NUBPL: variants seen among roughly 807,000 people sequenced by gnomAD.
NUBPL encodes NUBP iron-sulfur cluster assembly factor, mitochondrial.
NUBPL carries 31 observed loss-of-function variants against 45.7 expected under a neutral mutation model. The observed-to-expected ratio is 0.68, with a 90% confidence interval of 0.51 to 0.92. The LOEUF is 0.92. Among genes scored for constraint, NUBPL ranks in the 40% least tolerant of loss-of-function variants. The probability of loss-of-function intolerance (pLI) is 0.00; values close to 1 mark genes in which losing one functional copy is unlikely to be tolerated. For missense variants in NUBPL, 401 were observed against 398.7 expected, an observed-to-expected ratio of 1.01 and a Z score of -0.05; for synonymous variants, 144 against 140.9, an observed-to-expected ratio of 1.02 and a Z score of -0.15.
At chr14:31,599,161 T>C (rs1386906703) in intron 3 of NUBPL, 128 bp from the exon 4 acceptor site, 3 of 735,842 alleles carry the variant, frequency 4.1e-6, no homozygotes, top group Non-Finnish European at 4.7e-6. Flanking sequence ...TGATTTGTAA[T>C]ATTTTGCCAA....
chr14:31,826,738 GA>G (rs1230310576), intron 8 of NUBPL, 24 bp downstream of exon 8: 1 of 1,600,926 alleles, frequency 6.2e-7, no homozygotes, highest in Admixed American at 1.7e-5. Context: ...GCTTCACTGT[GA>G]AAAATATAAA....
chr14:31,798,634 A>C (rs2039516543), intron 7 of NUBPL, among the ~76,000 whole-genome samples: 1 of 151,254 alleles, frequency 6.6e-6, no homozygotes, highest in Non-Finnish European at 1.5e-5. Context: ...CTACTAAAAA[A>C]ACAAAAAATT....
At chr14:31,651,190 TGGCAGGA>T (rs2035994287) in intron 4 of NUBPL, among the ~76,000 whole-genome samples, 2 of 152,244 alleles carry the variant, frequency 1.3e-5, no homozygotes, top group East Asian at 3.9e-4. Context: ...TGGAGTGCAG[TGGCAGGA>T]TCTCAGCTCA....
chr14:31,606,440 T>C (rs574071715), intron 4 of NUBPL, among the ~76,000 whole-genome samples: 1 of 152,236 alleles, frequency 6.6e-6, no homozygotes, highest in East Asian at 1.9e-4. Flanking sequence ...AGAATGAGAG[T>C]GAACTCTAGT....
chr14:31,666,244 TA>T lies in NUBPL; in HGVS notation c.383-7110del, dbSNP rs1566486990. ...TATATTTAAGATATATATATATATA[TA>T]TATATATATATATATATAATTTTAT... On this transcript the variant is annotated intron_variant, in intron 4 of 10. Transcript: ENST00000281081. 8.1e-4 allele frequency among the ~76,000 whole-genome samples: 22 copies of T among 27,236 alleles called. 3 individuals carry two copies. The East Asian group carries it at 0.011, about 13-fold the overall frequency. 17.9% of individuals were successfully genotyped at this position (27,236 alleles called of 152,430 possible). A position where few individuals can be genotyped will look rare whatever the true frequency, so the allele number is the denominator to read the frequency against.
intron 3 of NUBPL, among the ~76,000 whole-genome samples, chr14:31,582,619 T>A (rs948933814): frequency 6.6e-6 from 1 of 152,118 alleles, no homozygotes; most frequent in Non-Finnish European, 1.5e-5. Flanking sequence ...CAAATCTTAG[T>A]ATTACTTATT....
At chr14:31,726,233 CT>C (rs1339918654) in intron 6 of NUBPL, among the ~76,000 whole-genome samples, 1 of 152,090 alleles carries the variant, frequency 6.6e-6, no homozygotes, top group African/African-American at 2.4e-5. Flanking sequence ...AGGATTATGT[CT>C]TATAAAGATC....
At chr14:31,718,242 A>G (rs1165762378) in intron 6 of NUBPL, among the ~76,000 whole-genome samples, 17 of 152,174 alleles carry the variant, frequency 1.1e-4, no homozygotes, top group Non-Finnish European at 1.5e-5. Flanking sequence ...ATTTTGTTAT[A>G]TTTATTGAAT....
intron 6 of NUBPL, among the ~76,000 whole-genome samples, chr14:31,750,877 G>A (rs577077493): frequency 6.6e-5 from 10 of 152,248 alleles, no homozygotes; most frequent in Non-Finnish European, 1.5e-4. Context: ...AAGAAAAAAG[G>A]TTTAATCGAT....
At position 31,572,071 on chromosome 14, in the gene NUBPL, C is replaced by T. The variant is rs532406662; in HGVS notation, c.291+7023C>T. ...GAAAGTAAATGGCAGAGCTAAGGTTCGAATGCCAACCTAGATCCTGTGCTC... is the reference window on the plus strand; with the variant it reads ...GAAAGTAAATGGCAGAGCTAAGGTTTGAATGCCAACCTAGATCCTGTGCTC... On this transcript the variant is annotated intron_variant, in intron 3 of 10. Coordinates refer to ENST00000281081, the MANE Select transcript of NUBPL (RefSeq NM_025152.3). Among the ~76,000 whole-genome samples, 3 of 151,968 alleles carry T rather than the reference C, an allele frequency of 2.0e-5. No homozygotes were observed. In the South Asian group the frequency reaches 6.2e-4, roughly 32 times the overall value.
chr14:31,706,321 C>G (rs1050639500), intron 6 of NUBPL, among the ~76,000 whole-genome samples: 1 of 152,032 alleles, frequency 6.6e-6, no homozygotes, highest in African/African-American at 2.4e-5. Flanking sequence ...CAGGGGTCCT[C>G]GGTAGAAGTT....
chr14:31,743,449 G>A lies in NUBPL; in HGVS notation c.514-44331G>A, dbSNP rs1038668579. 3.3e-5 allele frequency among the ~76,000 whole-genome samples: 5 copies of A among 151,854 alleles called. 1 individual carries two copies. The highest frequency in any genetic ancestry group is 5.9e-5 in the Non-Finnish European group (4 of 67,976). On this transcript the variant is annotated intron_variant, in intron 6 of 10. Coordinates refer to ENST00000281081, the MANE Select transcript of NUBPL (RefSeq NM_025152.3). The stretch of plus-strand genomic sequence containing the variant: ...TGCTGGAGTGCAGTGGCGCAATCTC[G>A]GCTCACTGCAACCTCCACCGCCTGG...
intron 6 of NUBPL, among the ~76,000 whole-genome samples, chr14:31,719,811 A>G (rs935091114): frequency 3.3e-5 from 5 of 152,226 alleles, no homozygotes; most frequent in East Asian, 1.9e-4. Flanking sequence ...AATTAAAAAT[A>G]TCTACCAGTG....
intron 3 of NUBPL, among the ~76,000 whole-genome samples, chr14:31,568,036 G>A (rs1595288760): frequency 6.6e-6 from 1 of 152,238 alleles, no homozygotes; most frequent in East Asian, 1.9e-4. Context: ...CATTTCAATG[G>A]AATTTGGAAG....
chr14:31,650,559 G>A (rs2035975189), intron 4 of NUBPL, among the ~76,000 whole-genome samples: 1 of 152,132 alleles, frequency 6.6e-6, no homozygotes, highest in South Asian at 2.1e-4. Context: ...AAAGTGTTGG[G>A]ATTACAGGCG....
At chr14:31,598,550 C>T (rs1427531557) in intron 3 of NUBPL, among the ~76,000 whole-genome samples, 1 of 152,150 alleles carries the variant, frequency 6.6e-6, no homozygotes, top group African/African-American at 2.4e-5. Flanking sequence ...TTTTTAATAG[C>T]GGATTTTGTT....
chr14:31,693,666 G>A (rs1210969257), intron 6 of NUBPL, among the ~76,000 whole-genome samples: 2 of 151,834 alleles, frequency 1.3e-5, no homozygotes, highest in African/African-American at 2.4e-5. Flanking sequence ...TTCTTTTTAT[G>A]ATTTTTGCAT....
At chr14:31,722,896 T>A (rs1309587478) in intron 6 of NUBPL, among the ~76,000 whole-genome samples, 2 of 152,206 alleles carry the variant, frequency 1.3e-5, no homozygotes, top group African/African-American at 2.4e-5. Context: ...GACTGTTTAC[T>A]CTGAAGATAG....
chr14:31,660,335 C>T (rs955261327), intron 4 of NUBPL, among the ~76,000 whole-genome samples: 3 of 152,152 alleles, frequency 2.0e-5, no homozygotes, highest in African/African-American at 7.2e-5. Context: ...TCTCACACAG[C>T]CACCTAAAGT....
Sources: allele counts gnomAD v4.1 joint callset (sites outside exome capture counted in the v4.1 genomes callset), GRCh38; gene constraint gnomAD v4.1.1; transcripts MANE v1.5; gene names NCBI Gene and HGNC (gene_info 2026-07-23, HGNC 2026-07-21).